The following ZRANB3 variants were observed in gnomAD, a reference collection of about 807,000 sequenced individuals.
The protein encoded by ZRANB3 is DNA annealing helicase and endonuclease ZRANB3.
In ZRANB3, 125 loss-of-function variants were observed where a neutral mutation model predicts 133.8. The ratio of observed to expected loss-of-function variants is 0.93; its 90% confidence interval spans 0.81 to 1.08. ZRANB3 has a LOEUF of 1.08. Ranked by LOEUF, ZRANB3 falls within the 50% of genes least tolerant of loss-of-function variation. The probability of loss-of-function intolerance (pLI) is 0.00; values close to 1 mark genes in which losing one functional copy is unlikely to be tolerated. For synonymous variants in ZRANB3, 387 were observed against 432.7 expected (o/e 0.89, Z 1.31); for missense variants, 1,229 against 1,275.5 (o/e 0.96, Z 0.56).
intron 3 of ZRANB3, among the ~76,000 whole-genome samples, chr2:135,388,879 C>A (rs2104923162): frequency 6.6e-6 from 1 of 152,096 alleles, no homozygotes; most frequent in Non-Finnish European, 1.5e-5. Flanking sequence ...GAGATTGAGA[C>A]CATTCTGGCT....
At chr2:135,454,382 A>G (rs1690402926) in intron 2 of ZRANB3, among the ~76,000 whole-genome samples, 1 of 152,190 alleles carries the variant, frequency 6.6e-6, no homozygotes, top group African/African-American at 2.4e-5. Context: ...CCAGGCTCTC[A>G]TTATTAATTT....
chr2:135,495,256 A>T (rs1692613336), intron 2 of ZRANB3, among the ~76,000 whole-genome samples: 2 of 152,344 alleles, frequency 1.3e-5, no homozygotes, highest in South Asian at 4.1e-4. Context: ...AATAAAAAAA[A>T]ATAAAAAGTT....
chr2:135,290,904 G>C (rs746730893), intron 8 of ZRANB3, among the ~76,000 whole-genome samples: 4 of 152,138 alleles, frequency 2.6e-5, no homozygotes, highest in African/African-American at 2.4e-5. Flanking sequence ...CAAACTTTTA[G>C]ACTTTTCTTC....
intron 2 of ZRANB3, among the ~76,000 whole-genome samples, chr2:135,445,671 T>C (rs1689987929): frequency 7.3e-6 from 1 of 137,646 alleles, no homozygotes; most frequent in South Asian, 2.3e-4. Context: ...AGGTCAGGAG[T>C]TCGAGACCAG....
Position 135,378,806 on chromosome 2 carries a change from G to A in ZRANB3, c.180+11996C>T, listed in dbSNP as rs1419411754. Among the ~76,000 whole-genome samples, 3 of 152,080 alleles carry A rather than the reference G, an allele frequency of 2.0e-5. No individual in the cohort carries two copies. The East Asian group carries it at 5.8e-4, about 29-fold the overall frequency. ...AAGTACCAGTTGAATTCCAATTAAG[G>A]GACATGCTACAAACTACCTAACCAC... is the stretch of plus-strand genomic sequence containing the variant. On this transcript the variant is annotated intron_variant, in intron 3 of 20. Transcript: ENST00000264159.
intron 2 of ZRANB3, among the ~76,000 whole-genome samples, chr2:135,406,781 C>A: frequency 6.6e-6 from 1 of 152,126 alleles, no homozygotes; most frequent in East Asian, 1.9e-4. Flanking sequence ...ACCCTTCATG[C>A]TAAACACTCT....
At chr2:135,497,889 C>T (rs1320565806) in intron 2 of ZRANB3, among the ~76,000 whole-genome samples, 2 of 151,796 alleles carry the variant, frequency 1.3e-5, no homozygotes, top group African/African-American at 4.8e-5. Flanking sequence ...CTTGTCTCTA[C>T]TAAAAATACA....
At position 135,197,216 on chromosome 2, in the gene ZRANB3, CATT is replaced by C. The variant is rs2105026775; in HGVS notation, c.*3123_*3125del. 1 of 152,270 alleles carries C rather than the reference CATT, an allele frequency of 6.6e-6. No individual in the cohort carries two copies. The highest frequency in any genetic ancestry group is 2.1e-4 in the South Asian group (1 of 4,828). The allele number at this position is 152,270 out of a possible 1,614,324, so 9.4% of individuals were successfully genotyped here. Reference sequence around the variant, plus strand: ...TAATAATATGCAACAGAAAATGAGACATTATTTTTATAATTTATTTTTGATGTT... The same window carrying C: ...TAATAATATGCAACAGAAAATGAGACATTTTTATAATTTATTTTTGATGTT... On this transcript the variant is annotated 3_prime_UTR_variant, in exon 21 of 21. Coordinates refer to ENST00000264159, the MANE Select transcript of ZRANB3 (RefSeq NM_032143.4).
intron 8 of ZRANB3, among the ~76,000 whole-genome samples, chr2:135,285,388 A>AG (rs1491427754): frequency 6.6e-6 from 1 of 152,214 alleles, no homozygotes; most frequent in Non-Finnish European, 1.5e-5. Context: ...AAGAGGAGGC[A>AG]GAGTGTCCCC....
At chr2:135,508,605 G>A (rs1176427728) in intron 1 of ZRANB3, among the ~76,000 whole-genome samples, 2 of 151,966 alleles carry the variant, frequency 1.3e-5, no homozygotes, top group Admixed American at 1.3e-4. Flanking sequence ...ATTATAGTGT[G>A]GTTCATTGAT....
rs1463561225 is a variant in ZRANB3, at chr2:135,204,648, A to ATAT, written c.3010-1686_3010-1685insATA. On this transcript the variant is annotated intron_variant, in intron 19 of 20. Transcript: ENST00000264159. Reference sequence around the variant, plus strand: ...ATCCCAGACCCAATCTCAAAAAAAAAAAATATATATATATACATATATATA... The same window carrying ATAT: ...ATCCCAGACCCAATCTCAAAAAAAAATATAAATATATATATATACATATATATA... Among the ~76,000 whole-genome samples, 81 of 136,276 alleles carry ATAT rather than the reference A, an allele frequency of 5.9e-4. 1 individual carries two copies. In the South Asian group the frequency reaches 0.013, roughly 21 times the overall value. The allele number at this position is 136,276 out of a possible 152,430, so 89.4% of individuals were successfully genotyped here.
chr2:135,511,043 A>T, intron 1 of ZRANB3: 4 of 777,812 alleles, frequency 5.1e-6, no homozygotes, highest in Non-Finnish European at 7.2e-6. Flanking sequence ...ACATCCTTTG[A>T]TCCCTTTGAG....
chr2:135,389,421 T>A (rs2104923905), intron 3 of ZRANB3, among the ~76,000 whole-genome samples: 1 of 152,276 alleles, frequency 6.6e-6, no homozygotes, highest in Non-Finnish European at 1.5e-5. Context: ...AAAAACAGAC[T>A]ACAGGCCAGG....
chr2:135,287,884 G>A (rs750845739), intron 8 of ZRANB3, among the ~76,000 whole-genome samples: 1 of 151,976 alleles, frequency 6.6e-6, no homozygotes, highest in Non-Finnish European at 1.5e-5. Context: ...GGCAAACCAT[G>A]ACAGTTTGAC....
intron 6 of ZRANB3, among the ~76,000 whole-genome samples, chr2:135,332,873 T>C (rs1684213505): frequency 6.6e-6 from 1 of 152,212 alleles, no homozygotes; most frequent in South Asian, 2.1e-4. Flanking sequence ...TCTGAGTTCA[T>C]ACATTACCTT....
At chr2:135,466,852 A>G (rs961837731) in intron 2 of ZRANB3, among the ~76,000 whole-genome samples, 3 of 151,796 alleles carry the variant, frequency 2.0e-5, no homozygotes, top group Admixed American at 2.0e-4. Flanking sequence ...TAATTTTTGT[A>G]TTTTTTGTAG....
chr2:135,515,989 CAGTT>C (rs1156370748), intron 1 of ZRANB3, among the ~76,000 whole-genome samples: 2 of 152,112 alleles, frequency 1.3e-5, no homozygotes, highest in African/African-American at 4.8e-5. Context: ...ATATTTAAAA[CAGTT>C]AGCTCTTCTT....
intron 2 of ZRANB3, among the ~76,000 whole-genome samples, chr2:135,469,185 T>A (rs1379402454): frequency 3.9e-5 from 6 of 152,066 alleles, no homozygotes; most frequent in African/African-American, 1.4e-4. Context: ...AATATTTTTC[T>A]AAGTGTTCAA....
chr2:135,529,603 G>A (rs1438862686), intron 1 of ZRANB3, among the ~76,000 whole-genome samples: 2 of 151,974 alleles, frequency 1.3e-5, no homozygotes, highest in Admixed American at 6.5e-5. Context: ...AAGTTGAAGC[G>A]ATTCTCCTGC....
Sources: allele counts gnomAD v4.1 joint callset (sites outside exome capture counted in the v4.1 genomes callset), GRCh38; gene constraint gnomAD v4.1.1; transcripts MANE v1.5; gene names NCBI Gene and HGNC (gene_info 2026-07-23, HGNC 2026-07-21).